Variants in ITGA4 observed in about 807,000 individuals in gnomAD.
ITGA4 encodes integrin alpha-4.
In ITGA4, 63 loss-of-function variants were observed where a neutral mutation model predicts 133.6. That is an observed-to-expected ratio of 0.47 (90% CI 0.38 to 0.58). ITGA4 has a LOEUF of 0.58. ITGA4 is among the 20% of genes least tolerant of loss of function. ITGA4 has a pLI of 0.00. For synonymous variants in ITGA4, 483 were observed against 438.0 expected, an observed-to-expected ratio of 1.10 and a Z score of -1.28; for missense variants, 1,076 against 1,252.7, an observed-to-expected ratio of 0.86 and a Z score of 2.13.
intron 4 of ITGA4, chr2:181,475,800 A>C: frequency 6.3e-7 from 1 of 1,590,452 alleles, no homozygotes; most frequent in Non-Finnish European, 8.6e-7. Context: ...CATTTTTCTC[A>C]TGGTAACTCT....
At position 181,481,667 on chromosome 2, in the gene ITGA4, A is replaced by G. The variant is rs1200850002; in HGVS notation, c.824A>G (p.His275Arg). 1 of 1,585,356 alleles carries G rather than the reference A, an allele frequency of 6.3e-7. No homozygotes were observed. The highest frequency in any genetic ancestry group is 8.6e-7 in the Non-Finnish European group (1 of 1,156,336). ...GAAGTAGTCGGAGGAGCTCCTCAACATGAGCAGATTGGTAAGGTAAGAATT... is the reference window on the plus strand; with the variant it reads ...GAAGTAGTCGGAGGAGCTCCTCAACGTGAGCAGATTGGTAAGGTAAGAATT... Reference protein sequence around the residue: ...TTEVVGGAPQHEQIGKAYIFS... With the variant: ...TTEVVGGAPQREQIGKAYIFS... The change falls in exon 7 of 28, where the codon CAT (histidine) becomes CGT (arginine). Residue 275 changes from histidine (H) to arginine (R), a missense_variant. Physicochemically the swap from His to Arg is conservative, Grantham distance 29. Coordinates refer to ENST00000397033, the MANE Select transcript of ITGA4 (RefSeq NM_000885.6).
intron 24 of ITGA4, 40 bp from the exon 25 acceptor site, chr2:181,531,617 G>A (rs372137989): frequency 8.0e-7 from 1 of 1,254,924 alleles, no homozygotes; most frequent in Non-Finnish European, 1.1e-6. Context: ...ATTTTCCAAT[G>A]TTGAAAATTT....
chr2:181,493,866 A>G (rs192555256), intron 11 of ITGA4, among the ~76,000 whole-genome samples: 27 of 152,278 alleles, frequency 1.8e-4, no homozygotes, highest in Admixed American at 1.3e-3. Context: ...CACTTTAATA[A>G]TGTCTCAGGA....
At chr2:181,511,565 T>G (rs1445095156) in intron 16 of ITGA4, 134 bp from the exon 17 acceptor site, 1 of 553,558 alleles carries the variant, frequency 1.8e-6, no homozygotes, top group African/African-American at 1.9e-5. Context: ...TTAAAAGAGA[T>G]AAAATAAAGA....
chr2:181,489,510 G>A (rs1228221538), intron 10 of ITGA4, among the ~76,000 whole-genome samples: 1 of 143,730 alleles, frequency 7.0e-6, no homozygotes, highest in Non-Finnish European at 1.5e-5. Flanking sequence ...TTTTCACCTT[G>A]AGCCTTATTA....
At position 181,511,811 on chromosome 2, in the gene ITGA4, C is replaced by T. The variant is rs199511901; in HGVS notation, c.1922+36C>T. 18 of 1,005,258 alleles carry T rather than the reference C, an allele frequency of 1.8e-5. No homozygotes were observed. The Middle Eastern group carries it at 8.3e-4, about 47-fold the overall frequency. The allele number at this position is 1,005,258 out of a possible 1,614,324, so 62.3% of individuals were successfully genotyped here. A position where few individuals can be genotyped will look rare whatever the true frequency, so the allele number is the denominator to read the frequency against. Reference sequence around the variant, plus strand: ...GTGGTATATAGTCTCTGTTATTCATCGAGAGGGTGTAATGAGTGTGTGCAT... The same window carrying T: ...GTGGTATATAGTCTCTGTTATTCATTGAGAGGGTGTAATGAGTGTGTGCAT... On this transcript the variant is annotated intron_variant, in intron 17 of 27. Coordinates refer to ENST00000397033, the MANE Select transcript of ITGA4 (RefSeq NM_000885.6).
chr2:181,522,438 A>C, intron 18 of ITGA4, 97 bp downstream of exon 18: 1 of 816,492 alleles, frequency 1.2e-6, no homozygotes, highest in Middle Eastern at 2.9e-4. Flanking sequence ...TTTGGGGTAT[A>C]AGTCTTAATA....
chr2:181,466,336 C>T (rs1294611571), intron 2 of ITGA4, among the ~76,000 whole-genome samples: 1 of 152,012 alleles, frequency 6.6e-6, no homozygotes, highest in African/African-American at 2.4e-5. Flanking sequence ...TTCAGGACTA[C>T]AATTATATAA....
chr2:181,531,814 GT>G, intron 25 of ITGA4, 38 bp downstream of exon 25: 1 of 1,491,780 alleles, frequency 6.7e-7, no homozygotes, highest in Non-Finnish European at 9.0e-7. Flanking sequence ...TGGTGGCTAA[GT>G]TTACATAAAA....
At chr2:181,504,626 TATA>T (rs1160324015) in intron 15 of ITGA4, among the ~76,000 whole-genome samples, 1 of 152,098 alleles carries the variant, frequency 6.6e-6, no homozygotes, top group Non-Finnish European at 1.5e-5. Flanking sequence ...AATTGATTAT[TATA>T]ACATGTGAAT....
chr2:181,490,215 C>T lies in ITGA4; in HGVS notation c.1154-3110C>T, dbSNP rs548470350. On this transcript the variant is annotated intron_variant, in intron 10 of 27. Transcript: ENST00000397033. Reference sequence around the variant, plus strand: ...GGCCAGGCTGTCTGCTTGTGGATTTCATTTCTGCCTTTTAGTTTTTACTTT... The same window carrying T: ...GGCCAGGCTGTCTGCTTGTGGATTTTATTTCTGCCTTTTAGTTTTTACTTT... Among the ~76,000 whole-genome samples, 147 of 152,270 alleles carry T rather than the reference C, an allele frequency of 9.7e-4. 1 individual carries two copies. The South Asian group carries it at 0.015, about 16-fold the overall frequency.
At chr2:181,525,374 TCTAGA>T in intron 21 of ITGA4, 83 bp downstream of exon 21, 1 of 700,926 alleles carries the variant, frequency 1.4e-6, no homozygotes, top group African/African-American at 1.8e-5. Flanking sequence ...AAAACTGTAT[TCTAGA>T]ATTTTTTTAA....
chr2:181,503,185 T>C (rs1013167557), intron 15 of ITGA4, among the ~76,000 whole-genome samples: 1 of 152,122 alleles, frequency 6.6e-6, no homozygotes, highest in African/African-American at 2.4e-5. Context: ...AATACTTTGA[T>C]TACCTTATGC....
At chr2:181,464,417 TAC>T (rs1336698261) in intron 2 of ITGA4, among the ~76,000 whole-genome samples, 1 of 152,138 alleles carries the variant, frequency 6.6e-6, no homozygotes, top group East Asian at 1.9e-4. Context: ...GTATTGGAAA[TAC>T]ACAGTTGAAT....
intron 2 of ITGA4, among the ~76,000 whole-genome samples, chr2:181,472,157 A>G (rs3770126): frequency 0.25 from 38,700 of 152,168 alleles, 5,329 homozygotes; most frequent in East Asian, 0.33. Context: ...CTAAAACAAG[A>G]AGGAGGCAAT....
chr2:181,526,851 T>TTTTTTTTTTTTTTTTTTG (rs1686841637), intron 21 of ITGA4, among the ~76,000 whole-genome samples: 1 of 125,830 alleles, frequency 7.9e-6, no homozygotes, highest in Non-Finnish European at 1.6e-5. Flanking sequence ...TTTTTTTTTT[T>TTTTTTTTTTTTTTTTTTG]TTAAGAGTCT....
At chr2:181,518,993 A>G (rs1686666223) in intron 17 of ITGA4, among the ~76,000 whole-genome samples, 1 of 152,044 alleles carries the variant, frequency 6.6e-6, no homozygotes, top group Non-Finnish European at 1.5e-5. Flanking sequence ...ATAAATATGT[A>G]TCTAGCCTAC....
intron 2 of ITGA4, among the ~76,000 whole-genome samples, chr2:181,474,044 G>C (rs967563750): frequency 2.0e-5 from 3 of 152,174 alleles, no homozygotes; most frequent in Non-Finnish European, 4.4e-5. Context: ...AAGAACAGAT[G>C]CAATAGAATT....
intron 4 of ITGA4, 52 bp downstream of exon 4, chr2:181,475,340 T>A (rs996802307): frequency 3.6e-6 from 5 of 1,386,710 alleles, no homozygotes; most frequent in Non-Finnish European, 5.1e-6. Flanking sequence ...GTGAATACCT[T>A]TTAGTGTTTT....
Sources: allele counts gnomAD v4.1 joint callset (sites outside exome capture counted in the v4.1 genomes callset), GRCh38; gene constraint gnomAD v4.1.1; transcripts MANE v1.5; gene names NCBI Gene and HGNC (gene_info 2026-07-23, HGNC 2026-07-21).